The following IL1RAPL1 variants were observed in gnomAD, a reference collection of about 807,000 sequenced individuals.
The protein encoded by IL1RAPL1 is interleukin-1 receptor accessory protein-like 1.
IL1RAPL1 carries 3 observed loss-of-function variants against 48.4 expected under a neutral mutation model. The ratio of observed to expected loss-of-function variants is 0.06; its 90% CI spans 0.03 to 0.16. IL1RAPL1 has a LOEUF of 0.16. Ranked by LOEUF, IL1RAPL1 falls within the 10% of genes least tolerant of loss-of-function variation. IL1RAPL1 has a pLI of 1.00. For missense variants in IL1RAPL1, 349 were observed against 530.6 expected (o/e 0.66, Z 3.36); for synonymous variants, 185 against 187.7 (o/e 0.99, Z 0.12).
chrX:28,732,226 A>G (rs1027100675), intron 1 of IL1RAPL1, among the ~76,000 whole-genome samples: 9 of 112,456 alleles, frequency 8.0e-5, no homozygotes, highest in African/African-American at 2.9e-4. Flanking sequence ...TCGTTAAATT[A>G]AGTAGTCATG....
intron 2 of IL1RAPL1, among the ~76,000 whole-genome samples, chrX:29,125,833 A>G (rs1928887609): frequency 9.8e-6 from 1 of 101,733 alleles, no homozygotes; most frequent in Non-Finnish European, 2.0e-5. Flanking sequence ...ACCTTTCAAC[A>G]ATGTATAAAG....
rs187693170 is a variant in IL1RAPL1 at position 29,113,895 on chromosome X, A to G, written c.83-169043A>G. ...GCTTGTCTAACTGAAAAGCAGTGATAGGCATCTTTGATTTGTTCCTTATTT... is the reference window on the plus strand; with the variant it reads ...GCTTGTCTAACTGAAAAGCAGTGATGGGCATCTTTGATTTGTTCCTTATTT... On this transcript the variant is annotated intron_variant, in intron 2 of 10. Coordinates refer to ENST00000378993, the MANE Select transcript of IL1RAPL1 (RefSeq NM_014271.4). Among the ~76,000 whole-genome samples, 775 of 111,770 alleles carry G rather than the reference A, an allele frequency of 6.9e-3. 4 individuals are homozygous for G. Among genetic ancestry groups the G allele is most frequent in the African/African-American group, 0.024 (741 of 30,819 alleles).
intron 2 of IL1RAPL1, among the ~76,000 whole-genome samples, chrX:29,196,365 T>C (rs1930444428): frequency 8.9e-6 from 1 of 112,339 alleles, no homozygotes; most frequent in Non-Finnish European, 1.9e-5. Context: ...TAAGTTCAGA[T>C]AAGTTCACAT....
At chrX:28,963,703 G>A (rs188897882) in intron 2 of IL1RAPL1, among the ~76,000 whole-genome samples, 4 of 110,854 alleles carry the variant, frequency 3.6e-5, no homozygotes, top group East Asian at 2.8e-4. Flanking sequence ...TAATTCTGGC[G>A]TTGATTTTAA....
intron 1 of IL1RAPL1, among the ~76,000 whole-genome samples, chrX:28,743,389 A>G (rs992375909): frequency 2.7e-5 from 3 of 111,868 alleles, no homozygotes; most frequent in African/African-American, 9.7e-5. Context: ...AATTTTTACA[A>G]TATTACGGAA....
intron 1 of IL1RAPL1, among the ~76,000 whole-genome samples, chrX:28,691,696 T>C (rs1004079551): frequency 8.9e-6 from 1 of 111,743 alleles, no homozygotes; most frequent in African/African-American, 3.3e-5. Context: ...TTTCTCTCTT[T>C]CTTTCTCCCT....
At chrX:29,352,990 C>A (rs183994666) in intron 3 of IL1RAPL1, among the ~76,000 whole-genome samples, 4 of 111,771 alleles carry the variant, frequency 3.6e-5, no homozygotes, top group East Asian at 2.8e-4. Context: ...TTGCTACTGG[C>A]AGCTTTATTT....
At chrX:29,693,455 A>G (rs1202937578) in intron 6 of IL1RAPL1, among the ~76,000 whole-genome samples, 4 of 102,406 alleles carry the variant, frequency 3.9e-5, no homozygotes, top group Non-Finnish European at 5.8e-5. Flanking sequence ...ATGTGATTTT[A>G]GAAGGGAAAA....
chrX:29,535,693 C>A (rs1263539159), intron 5 of IL1RAPL1, among the ~76,000 whole-genome samples: 1 of 111,892 alleles, frequency 8.9e-6, no homozygotes, highest in East Asian at 2.8e-4. Flanking sequence ...AAAGGAGGAT[C>A]TCGATAAAAT....
At chrX:29,747,176 G>A (rs1928354506) in intron 6 of IL1RAPL1, among the ~76,000 whole-genome samples, 1 of 111,558 alleles carries the variant, frequency 9.0e-6, no homozygotes, top group Non-Finnish European at 1.9e-5. Context: ...AGAATTGAGA[G>A]GTGATGAAGG....
At chrX:29,058,341 T>C (rs1048236894) in intron 2 of IL1RAPL1, among the ~76,000 whole-genome samples, 50 of 104,051 alleles carry the variant, frequency 4.8e-4, no homozygotes, top group African/African-American at 1.5e-3. Flanking sequence ...CACACCACTG[T>C]ACTCCAGCCT....
Position 29,698,966 on chromosome X carries a change from A to C in IL1RAPL1, c.778+30462A>C, listed in dbSNP as rs188039855. Among the ~76,000 whole-genome samples, 6 of 112,426 alleles carry C rather than the reference A, an allele frequency of 5.3e-5. No homozygotes were observed. In the East Asian group the frequency reaches 1.7e-3, roughly 31 times the overall value. ...CCAATAGTTTTCAGTCTTCCATATA[A>C]AGTTAAGGCAAATATTACGTGTACA... is the stretch of plus-strand genomic sequence containing the variant. On this transcript the variant is annotated intron_variant, in intron 6 of 10. Transcript: ENST00000378993.
intron 1 of IL1RAPL1, among the ~76,000 whole-genome samples, chrX:28,648,938 A>G (rs1198623652): frequency 9.0e-6 from 1 of 111,671 alleles, no homozygotes; most frequent in Non-Finnish European, 1.9e-5. Flanking sequence ...CTGAATATAC[A>G]GGTAGATGGT....
chrX:28,734,532 G>GAA (rs1935796431), intron 1 of IL1RAPL1, among the ~76,000 whole-genome samples: 2 of 89,089 alleles, frequency 2.2e-5, no homozygotes, highest in African/African-American at 9.0e-5. Context: ...CTTCTTTTAG[G>GAA]TCTTTACCAA....
intron 1 of IL1RAPL1, among the ~76,000 whole-genome samples, chrX:28,765,380 C>T (rs188627306): frequency 9.0e-5 from 10 of 110,963 alleles, no homozygotes; most frequent in African/African-American, 3.3e-4. Context: ...TTTGCTTACC[C>T]CTGCCCTAAG....
intron 6 of IL1RAPL1, among the ~76,000 whole-genome samples, chrX:29,875,660 A>G (rs1289039199): frequency 2.7e-5 from 3 of 111,959 alleles, no homozygotes; most frequent in East Asian, 5.6e-4. Context: ...ACAACATGCT[A>G]TCTACGAAAA....
intron 5 of IL1RAPL1, among the ~76,000 whole-genome samples, chrX:29,406,118 A>G (rs1393510292): frequency 9.0e-6 from 1 of 111,721 alleles, no homozygotes; most frequent in Admixed American, 9.5e-5. Context: ...GGCTGGGCAC[A>G]GTGGCTCACG....
chrX:29,854,747 C>T (rs1243368666), intron 6 of IL1RAPL1, among the ~76,000 whole-genome samples: 4 of 110,670 alleles, frequency 3.6e-5, no homozygotes, highest in Non-Finnish European at 7.6e-5. Flanking sequence ...CAGTACAAAG[C>T]GAGGCACAGA....
At chrX:28,714,037 T>C (rs943640839) in intron 1 of IL1RAPL1, among the ~76,000 whole-genome samples, 11 of 111,972 alleles carry the variant, frequency 9.8e-5, no homozygotes, top group African/African-American at 3.2e-4. Flanking sequence ...TTTAAGTAAA[T>C]AGGTCAATGT....
Sources: gnomAD v4.1 joint callset for allele counts (sites outside exome capture counted in the v4.1 genomes callset) on GRCh38, gnomAD v4.1.1 for gene constraint, MANE v1.5 for transcripts, NCBI Gene and HGNC (gene_info 2026-07-23, HGNC 2026-07-21) for gene names.